The following COL13A1 variants were observed in gnomAD, a reference collection of about 807,000 sequenced individuals.
COL13A1 encodes the protein collagen alpha-1(XIII) chain.
Under a neutral mutation model 130.9 loss-of-function variants are expected in COL13A1, and 89 were observed. That is an observed-to-expected ratio of 0.68 (90% CI 0.57 to 0.81). COL13A1 has a LOEUF of 0.81. Among genes scored for constraint, COL13A1 ranks in the 30% least tolerant of loss-of-function variants. The pLI is 0.00. For synonymous variants in COL13A1, 402 were observed against 341.6 expected, an observed-to-expected ratio of 1.18 and a Z score of -1.95; for missense variants, 879 against 934.6, an observed-to-expected ratio of 0.94 and a Z score of 0.78.
intron 2 of COL13A1, among the ~76,000 whole-genome samples, chr10:69,860,206 G>A (rs1426208786): frequency 6.6e-6 from 1 of 152,224 alleles, no homozygotes; most frequent in African/African-American, 2.4e-5. Flanking sequence ...AGCTGCCACA[G>A]CCCCCAGCCT....
intron 10 of COL13A1, among the ~76,000 whole-genome samples, chr10:69,889,738 A>G (rs1359082835): frequency 6.6e-6 from 1 of 152,182 alleles, no homozygotes; most frequent in Non-Finnish European, 1.5e-5. Flanking sequence ...CCACACTCGC[A>G]TGGGCCTTGG....
Position 69,838,489 on chromosome 10 carries a change from G to A in COL13A1, c.364+16051G>A, listed in dbSNP as rs574692392. ...GATGAAGGAGATGTATGTAAAGCACGTGGTACAGTACCTGGCATGGGGAGG... is the reference window on the plus strand; with the variant it reads ...GATGAAGGAGATGTATGTAAAGCACATGGTACAGTACCTGGCATGGGGAGG... On this transcript the variant is annotated intron_variant, in intron 2 of 40. Transcript: ENST00000645393. Among the ~76,000 whole-genome samples, 9 of 152,298 alleles carry A rather than the reference G, an allele frequency of 5.9e-5. No individual in the cohort carries two copies. The South Asian group carries it at 1.9e-3, about 32-fold the overall frequency.
chr10:69,864,523 T>TA (rs903431384), intron 2 of COL13A1, among the ~76,000 whole-genome samples: 19 of 152,120 alleles, frequency 1.2e-4, no homozygotes, highest in African/African-American at 3.4e-4. Flanking sequence ...AATAAATGCT[T>TA]AAAAAAATGA....
intron 2 of COL13A1, chr10:69,824,185 T>G: frequency 2.1e-6 from 1 of 471,586 alleles, no homozygotes; most frequent in African/African-American, 2.0e-5. Flanking sequence ...AAGGTAGAGA[T>G]TCCTCGAGAT....
intron 16 of COL13A1, 68 bp downstream of exon 16, chr10:69,905,027 G>A (rs1463287171): frequency 1.3e-6 from 2 of 1,516,478 alleles, no homozygotes; most frequent in Non-Finnish European, 1.8e-6. Context: ...GGGGGAGGCA[G>A]CACAGAAGGT....
At chr10:69,822,837 G>A (rs1184678076) in intron 2 of COL13A1, among the ~76,000 whole-genome samples, 1 of 152,356 alleles carries the variant, frequency 6.6e-6, no homozygotes, top group South Asian at 2.1e-4. Context: ...ATACAAAAAT[G>A]TTTGTTACCT....
chr10:69,817,276 G>C (rs368828589), intron 1 of COL13A1, among the ~76,000 whole-genome samples: 3 of 152,120 alleles, frequency 2.0e-5, no homozygotes, highest in African/African-American at 7.2e-5. Flanking sequence ...GTTGGCCCTC[G>C]TGGAAGCACA....
rs560256879 is a variant in COL13A1 at position 69,878,161 on chromosome 10, G to A, written c.462+96G>A. On this transcript the variant is annotated intron_variant, in intron 6 of 40. Transcript: ENST00000645393. ...CTCAGCCCTCCCCCCCATGAAAGCCGCAGCAGAGGGTGCTGGCTGGGCCTG... is the reference window on the plus strand; with the variant it reads ...CTCAGCCCTCCCCCCCATGAAAGCCACAGCAGAGGGTGCTGGCTGGGCCTG... 54 of 686,562 alleles carry A rather than the reference G, an allele frequency of 7.9e-5. 1 individual carries two copies. Among genetic ancestry groups the A allele is most frequent in the South Asian group, 3.9e-4 (26 of 66,586 alleles). The allele number at this position is 686,562 out of a possible 1,614,324, so 42.5% of individuals were successfully genotyped here.
At chr10:69,919,224 C>G in intron 20 of COL13A1, 136 bp downstream of exon 20, 1 of 1,145,444 alleles carries the variant, frequency 8.7e-7, no homozygotes, top group Non-Finnish European at 1.3e-6. Flanking sequence ...CAGAGAAGGG[C>G]CCACTGGTCA....
At chr10:69,917,174 A>T (rs1233250392) in intron 17 of COL13A1, 115 bp from the exon 18 acceptor site, 1 of 1,326,652 alleles carries the variant, frequency 7.5e-7, no homozygotes, top group African/African-American at 1.4e-5. Context: ...TCAGAGCTCA[A>T]CATGAACCGG....
intron 30 of COL13A1, chr10:69,931,038 T>C: frequency 2.8e-6 from 1 of 357,104 alleles, no homozygotes; most frequent in South Asian, 2.1e-5. Context: ...ATCTGTGAAA[T>C]GGGTGCCATC....
At position 69,838,886 on chromosome 10, in the gene COL13A1, C is replaced by T. The variant is rs180874902; in HGVS notation, c.364+16448C>T. Among the ~76,000 whole-genome samples the T allele has an allele frequency of 1.4e-4, 21 of 152,370 alleles. 1 individual carries two copies. The East Asian group carries it at 4.0e-3, about 29-fold the overall frequency. On this transcript the variant is annotated intron_variant, in intron 2 of 40. Coordinates refer to ENST00000645393, the MANE Select transcript of COL13A1 (RefSeq NM_001368882.1). The stretch of plus-strand genomic sequence containing the variant: ...TTGTAAAATGAGCCTGAGACAGCCT[C>T]ACTGAGTAGCTTGGCGAAGCCAGTG...
intron 2 of COL13A1, among the ~76,000 whole-genome samples, chr10:69,838,287 A>T (rs1238922175): frequency 6.6e-6 from 1 of 152,234 alleles, no homozygotes; most frequent in Non-Finnish European, 1.5e-5. Context: ...GGGTTCTTCT[A>T]GGGTCACCCA....
chr10:69,946,223 CTG>C (rs1424283734), intron 37 of COL13A1, among the ~76,000 whole-genome samples: 2 of 152,226 alleles, frequency 1.3e-5, no homozygotes, highest in Non-Finnish European at 2.9e-5. Context: ...GGGCATTGCG[CTG>C]TGAGAGGACC....
intron 2 of COL13A1, among the ~76,000 whole-genome samples, chr10:69,852,890 G>T (rs890543898): frequency 6.6e-6 from 1 of 152,246 alleles, no homozygotes; most frequent in African/African-American, 2.4e-5. Flanking sequence ...GGCTTTCCCA[G>T]TGCCTTGACA....
At chr10:69,923,731 C>T in intron 23 of COL13A1, 71 bp from the exon 24 acceptor site, 1 of 1,551,346 alleles carries the variant, frequency 6.4e-7, no homozygotes, top group Non-Finnish European at 8.7e-7. Context: ...GCGGCAAGAC[C>T]ATCTTTTCCC....
chr10:69,905,652 T>C, intron 16 of COL13A1, 135 bp from the exon 17 acceptor site: 1 of 905,436 alleles, frequency 1.1e-6, no homozygotes, highest in Non-Finnish European at 1.8e-6. Context: ...CTGGGAAGGC[T>C]GGAGATGGGT....
intron 1 of COL13A1, among the ~76,000 whole-genome samples, chr10:69,806,774 A>C (rs1841695304): frequency 6.6e-6 from 1 of 152,208 alleles, no homozygotes; most frequent in East Asian, 1.9e-4. Context: ...TGGGAGGCCA[A>C]GGTTGGTGGA....
intron 9 of COL13A1, 42 bp from the exon 10 acceptor site, chr10:69,889,372 C>A: frequency 6.3e-7 from 1 of 1,598,336 alleles, no homozygotes; most frequent in South Asian, 1.1e-5. Context: ...AACTTCTGGG[C>A]TGCGAACAGT....
Sources: gnomAD v4.1 joint callset for allele counts (sites outside exome capture counted in the v4.1 genomes callset) on GRCh38, gnomAD v4.1.1 for gene constraint, MANE v1.5 for transcripts, NCBI Gene and HGNC (gene_info 2026-07-23, HGNC 2026-07-21) for gene names.